Variants in SSBP2 observed in about 807,000 individuals in gnomAD.
SSBP2 encodes single-stranded DNA-binding protein 2.
A neutral mutation model predicts 61.8 loss-of-function variants in SSBP2; 17 were observed. That is an observed-to-expected ratio of 0.28 (90% confidence interval 0.19 to 0.41). The LOEUF (loss-of-function observed/expected upper bound fraction) is 0.41, where lower values mean the gene tolerates loss of function less well. Among genes scored for constraint, SSBP2 ranks in the 10% least tolerant of loss-of-function variants. The pLI is 1.00. For missense variants in SSBP2, 310 were observed against 458.7 expected (o/e 0.68, Z 2.96); for synonymous variants, 139 against 141.3 (o/e 0.98, Z 0.12).
chr5:81,647,474 C>A (rs989927849), intron 2 of SSBP2, among the ~76,000 whole-genome samples: 3 of 151,994 alleles, frequency 2.0e-5, no homozygotes, highest in African/African-American at 7.2e-5. Flanking sequence ...TTATTAAAAA[C>A]TTACAGCTCA....
Position 81,552,539 on chromosome 5 carries a change from G to A in SSBP2, c.283-38822C>T, listed in dbSNP as rs563899299. Among the ~76,000 whole-genome samples, 5 of 151,902 alleles carry A rather than the reference G, an allele frequency of 3.3e-5. No individual in the cohort carries two copies. In the South Asian group the frequency reaches 6.2e-4, roughly 19 times the overall value. On this transcript the variant is annotated intron_variant, in intron 4 of 16. Coordinates refer to ENST00000320672, the MANE Select transcript of SSBP2 (RefSeq NM_012446.5). ...CATAATCCCACCTACTTGGGAGGCT[G>A]AGGCACAAGACTCACTTGAACCCAG...
intron 1 of SSBP2, among the ~76,000 whole-genome samples, chr5:81,701,527 A>G (rs897648314): frequency 1.3e-5 from 2 of 152,214 alleles, no homozygotes; most frequent in African/African-American, 4.8e-5. Context: ...AATATTGTCT[A>G]CTGAGTATAA....
chr5:81,674,388 T>C (rs1049784408), intron 1 of SSBP2, among the ~76,000 whole-genome samples: 5 of 152,176 alleles, frequency 3.3e-5, no homozygotes, highest in African/African-American at 1.2e-4. Context: ...TGGTTCCCCA[T>C]GGCTCACTGT....
At chr5:81,498,684 T>A (rs1049144997) in intron 5 of SSBP2, among the ~76,000 whole-genome samples, 1 of 152,092 alleles carries the variant, frequency 6.6e-6, no homozygotes, top group Non-Finnish European at 1.5e-5. Flanking sequence ...ATTTTCTCTA[T>A]ATAGATTTCT....
At chr5:81,500,220 C>CT (rs958360175) in intron 5 of SSBP2, among the ~76,000 whole-genome samples, 99 of 148,010 alleles carry the variant, frequency 6.7e-4, no homozygotes, top group Non-Finnish European at 9.0e-4. Context: ...TAAAACATAA[C>CT]TTTTTTTTTT....
chr5:81,704,016 G>C (rs528672324), intron 1 of SSBP2, among the ~76,000 whole-genome samples: 16 of 152,188 alleles, frequency 1.1e-4, no homozygotes, highest in Non-Finnish European at 2.4e-4. Context: ...CAGAACACCA[G>C]GAGCTGAGGA....
At chr5:81,428,747 T>G in intron 15 of SSBP2, 64 bp from the exon 16 acceptor site, 1 of 1,166,648 alleles carries the variant, frequency 8.6e-7, no homozygotes, top group Non-Finnish European at 1.3e-6. Flanking sequence ...TGCACTGTAC[T>G]GTTTCGAATA....
intron 12 of SSBP2, chr5:81,443,030 ATG>A (rs929176310): frequency 1.7e-5 from 3 of 175,000 alleles, no homozygotes; most frequent in Admixed American, 6.2e-5. Context: ...AAGCAATTCT[ATG>A]TGTGTGTATG....
At position 81,417,191 on chromosome 5, in the gene SSBP2, C is replaced by T. The variant is rs1205808157; in HGVS notation, c.*3313G>A. 1 of 152,170 alleles carries T rather than the reference C, an allele frequency of 6.6e-6. No individual in the cohort carries two copies. The highest frequency in any genetic ancestry group is 1.5e-5 in the Non-Finnish European group (1 of 68,056). The allele number at this position is 152,170 out of a possible 1,614,324, so 9.4% of individuals were successfully genotyped here. On this transcript the variant is annotated 3_prime_UTR_variant, in exon 17 of 17. Coordinates refer to ENST00000320672, the MANE Select transcript of SSBP2 (RefSeq NM_012446.5). Reference sequence around the variant, plus strand: ...AGAAATCTTAACTTCGGATTCCTAGCTGTGAACTTCCTCTTTATCAGCAAC... The same window carrying T: ...AGAAATCTTAACTTCGGATTCCTAGTTGTGAACTTCCTCTTTATCAGCAAC...
intron 10 of SSBP2, among the ~76,000 whole-genome samples, chr5:81,452,932 A>T (rs1024224930): frequency 6.7e-6 from 1 of 148,668 alleles, no homozygotes; most frequent in Non-Finnish European, 1.5e-5. Context: ...AGTTGAAACA[A>T]CATGGTAGCA....
At chr5:81,749,756 C>A (rs981524357) in intron 1 of SSBP2, among the ~76,000 whole-genome samples, 17 of 152,192 alleles carry the variant, frequency 1.1e-4, no homozygotes, top group African/African-American at 3.6e-4. Context: ...TACAAGTACA[C>A]AAGAATAGCA....
At chr5:81,604,202 T>C (rs1744652231) in intron 4 of SSBP2, among the ~76,000 whole-genome samples, 1 of 151,970 alleles carries the variant, frequency 6.6e-6, no homozygotes, top group South Asian at 2.1e-4. Context: ...TAAAAGGTTT[T>C]CATGCCTGCT....
intron 6 of SSBP2, among the ~76,000 whole-genome samples, chr5:81,482,429 G>T (rs1016207420): frequency 7.9e-5 from 12 of 152,164 alleles, no homozygotes; most frequent in African/African-American, 2.9e-4. Flanking sequence ...CAACAGTTTA[G>T]TGTAGTCATC....
intron 4 of SSBP2, among the ~76,000 whole-genome samples, chr5:81,595,027 C>A (rs1317598712): frequency 6.6e-6 from 1 of 152,098 alleles, no homozygotes; most frequent in South Asian, 2.1e-4. Context: ...ACACAAAAAA[C>A]CCTTCAAAAA....
chr5:81,710,200 T>C (rs986549757), intron 1 of SSBP2, among the ~76,000 whole-genome samples: 1 of 152,076 alleles, frequency 6.6e-6, no homozygotes, highest in African/African-American at 2.4e-5. Context: ...GGTCCAATTA[T>C]AATGGGTGTA....
intron 16 of SSBP2, among the ~76,000 whole-genome samples, chr5:81,424,353 G>A (rs1761814447): frequency 6.6e-6 from 1 of 152,112 alleles, no homozygotes; most frequent in Non-Finnish European, 1.5e-5. Flanking sequence ...GAACCCAGGA[G>A]GCGGAGGTTG....
intron 1 of SSBP2, among the ~76,000 whole-genome samples, chr5:81,746,616 G>A (rs1033929109): frequency 4.6e-5 from 7 of 152,084 alleles, no homozygotes; most frequent in Admixed American, 1.3e-4. Context: ...GCATTTAAAT[G>A]TTCATTATAC....
intron 1 of SSBP2, among the ~76,000 whole-genome samples, chr5:81,679,069 G>C (rs1478857201): frequency 1.3e-5 from 2 of 152,148 alleles, no homozygotes; most frequent in Non-Finnish European, 2.9e-5. Flanking sequence ...AAGTGCAAAG[G>C]CACAATCTCA....
At chr5:81,456,034 T>TA (rs1200733246) in intron 10 of SSBP2, among the ~76,000 whole-genome samples, 1 of 152,196 alleles carries the variant, frequency 6.6e-6, no homozygotes, top group African/African-American at 2.4e-5. Flanking sequence ...AAGCACTGGT[T>TA]TACTAGAAAT....
Sources: allele counts gnomAD v4.1 joint callset (sites outside exome capture counted in the v4.1 genomes callset), GRCh38; gene constraint gnomAD v4.1.1; transcripts MANE v1.5; gene names NCBI Gene and HGNC (gene_info 2026-07-23, HGNC 2026-07-21).